COPG2: variants seen among roughly 807,000 people sequenced by gnomAD.
COPG2 encodes coatomer subunit gamma-2.
A neutral mutation model predicts 46.3 loss-of-function variants in COPG2; 37 were observed. The ratio of observed to expected loss-of-function variants is 0.80; its 90% confidence interval spans 0.61 to 1.05. The LOEUF is 1.05. COPG2 is among the 50% of genes least tolerant of loss of function. The pLI, the probability that COPG2 is intolerant of heterozygous loss-of-function variation, is 0.00. For missense variants in COPG2, 427 were observed against 387.8 expected, an observed-to-expected ratio of 1.10 and a Z score of -0.85; for synonymous variants, 159 against 129.7, an observed-to-expected ratio of 1.23 and a Z score of -1.53.
chr7:130,596,690 G>A (rs1794533668), intron 9 of COPG2, among the ~76,000 whole-genome samples: 1 of 152,152 alleles, frequency 6.6e-6, no homozygotes, highest in Non-Finnish European at 1.5e-5. Flanking sequence ...AGGTCCCATT[G>A]GCATCTGGGG....
rs1799540127 is a variant in COPG2 at position 130,508,459 on chromosome 7, C to T, written c.2247+103G>A. The T allele has an allele frequency of 6.2e-6, 4 of 646,202 alleles. No individual in the cohort carries two copies. The Admixed American group carries it at 1.0e-4, about 17-fold the overall frequency. 40.0% of individuals were successfully genotyped at this position (646,202 alleles called of 1,614,324 possible). On this transcript the variant is annotated intron_variant, in intron 21 of 23. Coordinates refer to ENST00000425248, the MANE Select transcript of COPG2 (RefSeq NM_012133.6). ...ATCTGTTTCAGAAGAATAGAAATCC[C>T]TTAAGTTTATGTCAGATGCTCCTAG...
chr7:130,508,813 C>T (rs1016813204), intron 20 of COPG2, among the ~76,000 whole-genome samples, 154 bp from the exon 21 acceptor site: 43 of 152,222 alleles, frequency 2.8e-4, no homozygotes, highest in African/African-American at 9.4e-4. Flanking sequence ...AGCCTACAAG[C>T]GGGTCAGGAA....
intron 4 of COPG2, among the ~76,000 whole-genome samples, chr7:130,657,080 A>G (rs574648230): frequency 1.3e-5 from 2 of 151,930 alleles, no homozygotes; most frequent in Non-Finnish European, 2.9e-5. Context: ...TGAAAAATAG[A>G]AAGATTTGCA....
chr7:130,626,533 G>C (rs937221573), intron 5 of COPG2, among the ~76,000 whole-genome samples: 12 of 151,650 alleles, frequency 7.9e-5, no homozygotes, highest in African/African-American at 2.9e-4. Context: ...ACAGGCGTGA[G>C]CCACCATGCC....
At chr7:130,540,354 GGAAACA>G (rs1262870062) in intron 20 of COPG2, among the ~76,000 whole-genome samples, 1 of 151,938 alleles carries the variant, frequency 6.6e-6, no homozygotes, top group Non-Finnish European at 1.5e-5. Context: ...TGAGAACTCG[GGAAACA>G]AAGGGGGAAG....
rs572714113 is a variant in COPG2 at position 130,660,889 on chromosome 7, G to A, written c.243+2078C>T. ...AACTTTTTGCTGTCCCTGTCAGCCC[G>A]TTCTTGCTTCCCTCCTAACCGAAGA... On this transcript the variant is annotated intron_variant, in intron 4 of 23. Transcript: ENST00000425248. 1.1e-4 allele frequency among the ~76,000 whole-genome samples: 16 copies of A among 152,186 alleles called. No homozygotes were observed. The South Asian group carries it at 1.9e-3, about 18-fold the overall frequency.
intron 5 of COPG2, among the ~76,000 whole-genome samples, chr7:130,638,719 C>A (rs1478308792): frequency 9.9e-6 from 1 of 100,510 alleles, no homozygotes; most frequent in African/African-American, 3.3e-5. Flanking sequence ...CTTCAGCCCC[C>A]TTTCCAGAAG....
At chr7:130,568,760 T>G (rs1464665352) in intron 9 of COPG2, among the ~76,000 whole-genome samples, 1 of 152,176 alleles carries the variant, frequency 6.6e-6, no homozygotes, top group Non-Finnish European at 1.5e-5. Context: ...AGAATATACA[T>G]TCTATTCATC....
chr7:130,525,394 A>AT (rs1204368489), intron 20 of COPG2, among the ~76,000 whole-genome samples: 2 of 152,154 alleles, frequency 1.3e-5, no homozygotes, highest in African/African-American at 4.8e-5. Context: ...CCACAGGAGA[A>AT]TGTGGGGGAT....
intron 5 of COPG2, among the ~76,000 whole-genome samples, chr7:130,620,974 T>C (rs1795029485): frequency 6.6e-6 from 1 of 152,182 alleles, no homozygotes; most frequent in South Asian, 2.1e-4. Flanking sequence ...TTTGCAGATG[T>C]GATTAAGTTA....
intron 5 of COPG2, among the ~76,000 whole-genome samples, chr7:130,646,999 GTA>G (rs782607492): frequency 5.2e-5 from 2 of 38,204 alleles, no homozygotes; most frequent in Non-Finnish European, 8.1e-5. Context: ...ATATATATGT[GTA>G]TATATATATG....
At chr7:130,590,840 A>C (rs1794390008) in intron 9 of COPG2, among the ~76,000 whole-genome samples, 2 of 150,326 alleles carry the variant, frequency 1.3e-5, no homozygotes, top group Non-Finnish European at 1.5e-5. Context: ...CCCGTCTGGG[A>C]TGTGAGGAGC....
chr7:130,549,793 T>C (rs1395598042), intron 17 of COPG2, among the ~76,000 whole-genome samples: 2 of 145,744 alleles, frequency 1.4e-5, no homozygotes, highest in African/African-American at 5.2e-5. Flanking sequence ...ATGACTTCTT[T>C]TGTTTTTGTT....
At chr7:130,569,025 T>TTGAG (rs1482591670) in intron 9 of COPG2, among the ~76,000 whole-genome samples, 1 of 151,948 alleles carries the variant, frequency 6.6e-6, no homozygotes, top group Non-Finnish European at 1.5e-5. Context: ...AATAATAGTA[T>TTGAG]ATACAGACCT....
intron 20 of COPG2, among the ~76,000 whole-genome samples, chr7:130,522,769 G>T (rs1799734778): frequency 6.6e-6 from 1 of 152,004 alleles, no homozygotes; most frequent in Admixed American, 6.6e-5. Flanking sequence ...GCACATGAAA[G>T]AAGTAGTAAA....
rs1554440113 is a variant in COPG2 at position 130,506,693 on chromosome 7, A to AGAT, written c.2596_2598dup (p.Ile866dup). ...GTAAGCATTTATCCAACAGAAGCTA[A>AGAT]GATAACATCTACAGGTGTTCTCTCT... On this transcript the variant is annotated inframe_insertion, in exon 24 of 24. Transcript: ENST00000425248. The AGAT allele has an allele frequency of 1.3e-6, 1 of 780,096 alleles. No individual in the cohort carries two copies. The highest frequency in any genetic ancestry group is 1.7e-5 in the Admixed American group (1 of 58,950). The allele number at this position is 780,096 out of a possible 1,614,324, so 48.3% of individuals were successfully genotyped here. A position where few individuals can be genotyped will look rare whatever the true frequency, so the allele number is the denominator to read the frequency against.
chr7:130,522,544 G>A (rs1229751201), intron 20 of COPG2, among the ~76,000 whole-genome samples: 4 of 152,074 alleles, frequency 2.6e-5, no homozygotes, highest in African/African-American at 9.7e-5. Flanking sequence ...AAGTTTCAAT[G>A]TAGATCTTTA....
intron 9 of COPG2, among the ~76,000 whole-genome samples, chr7:130,579,733 A>C (rs1794095051): frequency 2.0e-5 from 3 of 151,026 alleles, no homozygotes; most frequent in Admixed American, 2.0e-4. Flanking sequence ...AAACCAACAA[A>C]GATCAAAAGA....
chr7:130,582,189 G>A (rs1375679679), intron 9 of COPG2, among the ~76,000 whole-genome samples: 2 of 146,690 alleles, frequency 1.4e-5, no homozygotes, highest in East Asian at 2.0e-4. Context: ...CAGAAATAAC[G>A]CCGCATATCT....
Sources: gnomAD v4.1 joint callset for allele counts (sites outside exome capture counted in the v4.1 genomes callset) on GRCh38, gnomAD v4.1.1 for gene constraint, MANE v1.5 for transcripts, NCBI Gene and HGNC (gene_info 2026-07-23, HGNC 2026-07-21) for gene names.